BACE2: variants seen among roughly 807,000 people sequenced by gnomAD.
BACE2 encodes 56 kDa aspartic-like protease.
A neutral mutation model predicts 46.2 loss-of-function variants in BACE2; 17 were observed. The ratio of observed to expected loss-of-function variants is 0.37; its 90% confidence interval spans 0.25 to 0.55. The LOEUF (loss-of-function observed/expected upper bound fraction) is 0.55, where lower values mean the gene tolerates loss of function less well. BACE2 is among the 20% of genes least tolerant of loss of function. The pLI is 0.82. For synonymous variants in BACE2, 277 were observed against 295.9 expected (o/e 0.94, Z 0.66); for missense variants, 595 against 698.1 (o/e 0.85, Z 1.66).
At chr21:41,184,504 AC>A (rs1348968972) in intron 1 of BACE2, 1 of 166,944 alleles carries the variant, frequency 6.0e-6, no homozygotes, top group Non-Finnish European at 1.5e-5. Flanking sequence ...TGGCATATGT[AC>A]TCTTTGAGTG....
chr21:41,195,670 C>T (rs1261443059), intron 1 of BACE2, among the ~76,000 whole-genome samples: 1 of 152,206 alleles, frequency 6.6e-6, no homozygotes, highest in Non-Finnish European at 1.5e-5. Flanking sequence ...AATCCAACCA[C>T]AACACCTCTC....
chr21:41,265,405 A>T (rs1360693030), intron 8 of BACE2, among the ~76,000 whole-genome samples: 3 of 152,152 alleles, frequency 2.0e-5, no homozygotes, highest in Admixed American at 2.0e-4. Flanking sequence ...AATGAATATC[A>T]CTTCGTTACC....
intron 8 of BACE2, among the ~76,000 whole-genome samples, chr21:41,264,948 C>T (rs1291263872): frequency 6.6e-6 from 1 of 152,128 alleles, no homozygotes; most frequent in East Asian, 1.9e-4. Context: ...CATGTCACTG[C>T]ACTCCAGCCT....
intron 1 of BACE2, among the ~76,000 whole-genome samples, chr21:41,174,246 G>A (rs778231958): frequency 3.4e-5 from 5 of 148,268 alleles, no homozygotes; most frequent in African/African-American, 5.0e-5. Context: ...AGGTTCAAGC[G>A]ATTCTTCTGC....
At chr21:41,213,821 GA>G (rs1397146343) in intron 1 of BACE2, among the ~76,000 whole-genome samples, 1 of 151,888 alleles carries the variant, frequency 6.6e-6, no homozygotes, top group African/African-American at 2.4e-5. Context: ...GGCATGGGGA[GA>G]AAGTTTTGAC....
At chr21:41,237,223 A>G (rs1227873723) in intron 2 of BACE2, among the ~76,000 whole-genome samples, 1 of 152,108 alleles carries the variant, frequency 6.6e-6, no homozygotes, top group African/African-American at 2.4e-5. Flanking sequence ...CGAGGCAGGC[A>G]GATCACAAGG....
chr21:41,224,032 TGGGGCCCC>T (rs1029059032), intron 1 of BACE2, among the ~76,000 whole-genome samples: 1 of 151,856 alleles, frequency 6.6e-6, no homozygotes, highest in African/African-American at 2.4e-5. Flanking sequence ...CAGGAAAGTG[TGGGGCCCC>T]GGGATCCAGA....
chr21:41,231,724 C>T (rs1986971495), intron 2 of BACE2, among the ~76,000 whole-genome samples: 1 of 152,134 alleles, frequency 6.6e-6, no homozygotes, highest in Non-Finnish European at 1.5e-5. Context: ...CACCCACATC[C>T]CTGATTGATT....
intron 1 of BACE2, among the ~76,000 whole-genome samples, chr21:41,187,266 A>G (rs1030497060): frequency 2.0e-5 from 3 of 152,196 alleles, no homozygotes; most frequent in African/African-American, 7.2e-5. Context: ...GGCAGCTCAC[A>G]GGGGGTTCAC....
At chr21:41,224,829 G>A (rs1050289123) in intron 1 of BACE2, among the ~76,000 whole-genome samples, 2 of 152,210 alleles carry the variant, frequency 1.3e-5, no homozygotes, top group Non-Finnish European at 2.9e-5. Context: ...AAATTTGGGG[G>A]AGGATACAGA....
chr21:41,199,345 A>G (rs886513947), intron 1 of BACE2, among the ~76,000 whole-genome samples: 1 of 151,468 alleles, frequency 6.6e-6, no homozygotes, highest in Non-Finnish European at 1.5e-5. Flanking sequence ...AGGGAGCCCC[A>G]GGGAGGAGGG....
chr21:41,227,805 C>T (rs376923579), intron 2 of BACE2, among the ~76,000 whole-genome samples: 1 of 152,032 alleles, frequency 6.6e-6, no homozygotes, highest in Admixed American at 6.5e-5. Flanking sequence ...GTGTAGAAGT[C>T]GTGGTGGTGT....
chr21:41,193,705 G>A lies in BACE2; in HGVS notation c.312+25130G>A, dbSNP rs1237918997. Among the ~76,000 whole-genome samples the A allele has an allele frequency of 6.6e-6, 1 of 152,154 alleles. No homozygotes were observed. The highest frequency in any genetic ancestry group is 1.5e-5 in the Non-Finnish European group (1 of 68,042). The stretch of plus-strand genomic sequence containing the variant: ...ATATCTATGCCAATTATGCATTCTG[G>A]CACTGGGAAAATGACCACAGGATGA... On this transcript the variant is annotated intron_variant, in intron 1 of 8. Coordinates refer to ENST00000330333, the MANE Select transcript of BACE2 (RefSeq NM_012105.5). This position sits in a 1 kb window ranked among gnomAD's most constrained non-coding sequence, Gnocchi z 4.2.
chr21:41,179,309 G>A (rs1568856793), intron 1 of BACE2: 1 of 1,311,446 alleles, frequency 7.6e-7, no homozygotes, highest in Non-Finnish European at 1.0e-6. Flanking sequence ...GGGTGTCAGG[G>A]TGAGTGAGAG....
At chr21:41,179,462 C>G (rs1299626230) in intron 1 of BACE2, 4 of 1,278,900 alleles carry the variant, frequency 3.1e-6, no homozygotes, top group Non-Finnish European at 4.1e-6. Flanking sequence ...TGAGGGTGTC[C>G]AGGGTGCAGA....
chr21:41,206,736 A>G (rs931721238), intron 1 of BACE2, among the ~76,000 whole-genome samples: 6 of 152,262 alleles, frequency 3.9e-5, no homozygotes, highest in African/African-American at 1.2e-4. Context: ...ATGTGAATGT[A>G]CTTAACGCCA....
chr21:41,190,254 A>G (rs1363390396), intron 1 of BACE2, among the ~76,000 whole-genome samples: 2 of 152,210 alleles, frequency 1.3e-5, no homozygotes, highest in African/African-American at 4.8e-5. Flanking sequence ...TAATCTTCAA[A>G]TAAAGACAAT....
intron 6 of BACE2, among the ~76,000 whole-genome samples, chr21:41,246,873 G>A (rs1359613624): frequency 6.6e-6 from 1 of 152,156 alleles, no homozygotes; most frequent in Admixed American, 6.5e-5. Flanking sequence ...CTCAACTGAG[G>A]GGTGGTTGTG....
chr21:41,214,056 T>C (rs1986380128), intron 1 of BACE2, among the ~76,000 whole-genome samples: 1 of 152,190 alleles, frequency 6.6e-6, no homozygotes, highest in South Asian at 2.1e-4. Context: ...TCACTCACCG[T>C]GAGCCAGCAC....
Sources: gnomAD v4.1 joint callset for allele counts (sites outside exome capture counted in the v4.1 genomes callset) on GRCh38, gnomAD v4.1.1 for gene constraint, Gnocchi (gnomAD v3.1) non-coding constraint, MANE v1.5 for transcripts, NCBI Gene and HGNC (gene_info 2026-07-23, HGNC 2026-07-21) for gene names.